SLIT3: variants seen among roughly 807,000 people sequenced by gnomAD.
SLIT3 encodes slit homolog 3 protein.
A neutral mutation model predicts 184.0 loss-of-function variants in SLIT3; 68 were observed. The ratio of observed to expected loss-of-function variants is 0.37; its 90% CI spans 0.30 to 0.45. The LOEUF (loss-of-function observed/expected upper bound fraction) is 0.45. SLIT3 is among the 20% of genes least tolerant of loss of function. The pLI, the probability that SLIT3 is intolerant of heterozygous loss-of-function variation, is 1.00. For missense variants in SLIT3, 1,707 were observed against 2,026.0 expected, an observed-to-expected ratio of 0.84 and a Z score of 3.02; for synonymous variants, 831 against 828.6, an observed-to-expected ratio of 1.00 and a Z score of -0.05.
chr5:168,702,955 C>A (rs941964840), intron 26 of SLIT3, among the ~76,000 whole-genome samples: 1 of 152,164 alleles, frequency 6.6e-6, no homozygotes, highest in African/African-American at 2.4e-5. Flanking sequence ...ACCCTCCCAA[C>A]TATGGCGGTG....
intron 1 of SLIT3, among the ~76,000 whole-genome samples, chr5:169,268,280 A>G (rs1171459172): frequency 6.6e-6 from 1 of 152,212 alleles, no homozygotes; most frequent in Non-Finnish European, 1.5e-5. Context: ...AGTTAGCTTC[A>G]TTGCTCATTT....
Position 168,666,432 on chromosome 5 carries a change from TGGCA to T in SLIT3, c.*18_*21del. On this transcript the variant is annotated 3_prime_UTR_variant, in exon 36 of 36. Coordinates refer to ENST00000519560, the MANE Select transcript of SLIT3 (RefSeq NM_003062.4). ...CTCCATCAAGCTGGAGTCCGAGAGG[TGGCA>T]GGCAGGCGGGCAGGGGCTTAGGAAC... 6.5e-7 allele frequency: 1 copy of T among 1,528,894 alleles called. No homozygotes were observed. The highest frequency in any genetic ancestry group is 8.8e-7 in the Non-Finnish European group (1 of 1,136,494). 94.7% of individuals were successfully genotyped at this position (1,528,894 alleles called of 1,614,324 possible).
At chr5:168,754,393 G>C (rs1754824871) in intron 16 of SLIT3, among the ~76,000 whole-genome samples, 1 of 152,182 alleles carries the variant, frequency 6.6e-6, no homozygotes, top group Admixed American at 6.5e-5. Flanking sequence ...GGCACAGCAA[G>C]GCAAATATCA....
intron 12 of SLIT3, among the ~76,000 whole-genome samples, chr5:168,781,499 C>T (rs916115916): frequency 3.9e-5 from 6 of 152,304 alleles, no homozygotes; most frequent in African/African-American, 7.2e-5. Flanking sequence ...AAGAACGCAT[C>T]GCCAAGTCAG....
At chr5:169,054,908 T>C (rs1757940656) in intron 4 of SLIT3, among the ~76,000 whole-genome samples, 1 of 152,150 alleles carries the variant, frequency 6.6e-6, no homozygotes, top group Admixed American at 6.5e-5. Flanking sequence ...TGCACACATT[T>C]GTTCTGGTTC....
chr5:169,043,783 G>A (rs1757529094), intron 4 of SLIT3, among the ~76,000 whole-genome samples: 2 of 152,166 alleles, frequency 1.3e-5, no homozygotes, highest in Admixed American at 6.5e-5. Context: ...AAGAAGAGTG[G>A]CTGATTTAAG....
At chr5:169,237,688 G>T (rs1765251928) in intron 3 of SLIT3, among the ~76,000 whole-genome samples, 1 of 152,040 alleles carries the variant, frequency 6.6e-6, no homozygotes, top group African/African-American at 2.4e-5. Context: ...ATGCTTACTT[G>T]CCAGCTGTAT....
At chr5:168,853,205 C>T (rs551168071) in intron 5 of SLIT3, among the ~76,000 whole-genome samples, 142 of 152,196 alleles carry the variant, frequency 9.3e-4, no homozygotes, top group African/African-American at 3.2e-3. Flanking sequence ...CCTGCTATTA[C>T]AAGATTGAAA....
At chr5:168,905,193 A>G (rs1273424243) in intron 4 of SLIT3, among the ~76,000 whole-genome samples, 1 of 151,142 alleles carries the variant, frequency 6.6e-6, no homozygotes, top group Non-Finnish European at 1.5e-5. Flanking sequence ...AAGAAAAAAA[A>G]TGGGGATGTC....
chr5:168,939,675 T>C (rs868752233), intron 4 of SLIT3, among the ~76,000 whole-genome samples: 3 of 152,248 alleles, frequency 2.0e-5, no homozygotes, highest in African/African-American at 7.2e-5. Flanking sequence ...CTCTTTTTCA[T>C]AGATGCTCTA....
At chr5:168,910,525 C>G (rs1581202459) in intron 4 of SLIT3, among the ~76,000 whole-genome samples, 2 of 152,018 alleles carry the variant, frequency 1.3e-5, no homozygotes, top group South Asian at 4.1e-4. Flanking sequence ...GGGTGGATCA[C>G]AAGGTCAGGA....
chr5:168,760,098 T>G (rs931554045), intron 16 of SLIT3, among the ~76,000 whole-genome samples: 7 of 152,188 alleles, frequency 4.6e-5, no homozygotes, highest in African/African-American at 1.4e-4. Flanking sequence ...AGAAACTTTT[T>G]GAGCCCTGGC....
chr5:168,980,658 G>A (rs1754916797), intron 4 of SLIT3, among the ~76,000 whole-genome samples: 1 of 152,306 alleles, frequency 6.6e-6, no homozygotes, highest in East Asian at 1.9e-4. Flanking sequence ...GGGCTACAAG[G>A]CTAAGAACTT....
chr5:169,035,887 T>G (rs975796710), intron 4 of SLIT3, among the ~76,000 whole-genome samples: 1 of 152,136 alleles, frequency 6.6e-6, no homozygotes, highest in African/African-American at 2.4e-5. Context: ...TCGTAGAGTC[T>G]TGAATCCTGT....
chr5:169,295,082 G>A (rs1208551902), intron 1 of SLIT3, among the ~76,000 whole-genome samples: 2 of 152,182 alleles, frequency 1.3e-5, no homozygotes, highest in Non-Finnish European at 2.9e-5. Context: ...TGTAGACTTT[G>A]TCAACACTAT....
chr5:168,939,940 G>A (rs781287387), intron 4 of SLIT3, among the ~76,000 whole-genome samples: 1 of 152,216 alleles, frequency 6.6e-6, no homozygotes, highest in African/African-American at 2.4e-5. Context: ...AGCCAACTGA[G>A]ATTAGCGGTT....
At chr5:168,756,136 G>C (rs887948582) in intron 16 of SLIT3, among the ~76,000 whole-genome samples, 1 of 152,120 alleles carries the variant, frequency 6.6e-6, no homozygotes, top group Admixed American at 6.5e-5. Flanking sequence ...TGGCGGGCTC[G>C]CAGAGATAGA....
At chr5:169,152,661 G>A (rs1201130273) in intron 4 of SLIT3, among the ~76,000 whole-genome samples, 1 of 152,178 alleles carries the variant, frequency 6.6e-6, no homozygotes, top group East Asian at 1.9e-4. Context: ...ATCCTTATCA[G>A]AAAAGTGGAA....
chr5:168,884,341 G>T (rs1760087793), intron 4 of SLIT3, among the ~76,000 whole-genome samples: 2 of 150,818 alleles, frequency 1.3e-5, no homozygotes, highest in Admixed American at 1.3e-4. Context: ...CTATGGCGTG[G>T]TCGGGGGGTG....
Sources: allele counts gnomAD v4.1 joint callset (sites outside exome capture counted in the v4.1 genomes callset), GRCh38; gene constraint gnomAD v4.1.1; transcripts MANE v1.5; gene names NCBI Gene and HGNC (gene_info 2026-07-23, HGNC 2026-07-21).